Variants in KLF12 observed in about 807,000 individuals in gnomAD.
The protein encoded by KLF12 is KLF transcription factor 12, also known as Krueppel-like factor 12.
KLF12 carries 9 observed loss-of-function variants against 37.8 expected under a neutral mutation model. That is an observed-to-expected ratio of 0.24 (90% CI 0.14 to 0.42). The LOEUF is 0.42. KLF12 is among the 10% of genes least tolerant of loss of function. KLF12 has a pLI of 1.00. For missense variants in KLF12, 411 were observed against 516.0 expected, an observed-to-expected ratio of 0.80 and a Z score of 1.97; for synonymous variants, 208 against 202.1, an observed-to-expected ratio of 1.03 and a Z score of -0.25.
At chr13:74,191,599 A>G in the KLF12 span, among the ~76,000 whole-genome samples, 1 of 152,024 alleles carries the variant, frequency 6.6e-6, no homozygotes, top group Non-Finnish European at 1.5e-5. Context: ...ATGGTCTCGG[A>G]TTTTTCCTGA....
chr13:74,083,574 A>G (rs1301845382), intron 1 of KLF12, among the ~76,000 whole-genome samples: 2 of 151,718 alleles, frequency 1.3e-5, no homozygotes, highest in Non-Finnish European at 2.9e-5. Context: ...CAAAAACTCT[A>G]AGTACTCTAG....
intron 4 of KLF12, among the ~76,000 whole-genome samples, chr13:73,825,161 C>T (rs559388058): frequency 6.6e-6 from 1 of 151,746 alleles, no homozygotes; most frequent in Admixed American, 6.6e-5. Context: ...CCTTCTCCTG[C>T]CCCTGTTATG....
chr13:74,202,515 C>T, the KLF12 span, among the ~76,000 whole-genome samples: 3 of 152,068 alleles, frequency 2.0e-5, no homozygotes, highest in Non-Finnish European at 4.4e-5. Context: ...GACTAATTTT[C>T]TTAGTAAAAA....
intron 3 of KLF12, among the ~76,000 whole-genome samples, chr13:73,910,403 A>G (rs1279594594): frequency 6.6e-6 from 1 of 152,184 alleles, no homozygotes; most frequent in Non-Finnish European, 1.5e-5. Context: ...CAAGTCATAA[A>G]TGTAACACTA....
intron 1 of KLF12, among the ~76,000 whole-genome samples, chr13:74,092,768 G>GA (rs375625340): frequency 2.0e-5 from 3 of 152,096 alleles, no homozygotes; most frequent in Non-Finnish European, 4.4e-5. Flanking sequence ...CAAACCCAAT[G>GA]AAAAAATGGG....
the KLF12 span, among the ~76,000 whole-genome samples, chr13:74,275,866 CTATCTTTCTTTCTTCT>C: frequency 3.2e-4 from 29 of 91,082 alleles, no homozygotes; most frequent in Admixed American, 1.6e-3. Flanking sequence ...TTCTTTCTTT[CTATCTTTCTTTCTTCT>C]TTCTTTCTTT....
At chr13:74,190,044 CAA>C in the KLF12 span, among the ~76,000 whole-genome samples, 2 of 152,162 alleles carry the variant, frequency 1.3e-5, no homozygotes, top group East Asian at 1.9e-4. Context: ...AAGATTACTG[CAA>C]AGAGTAACCT....
At chr13:74,241,644 A>G in the KLF12 span, among the ~76,000 whole-genome samples, 3 of 152,080 alleles carry the variant, frequency 2.0e-5, no homozygotes, top group African/African-American at 7.2e-5. Context: ...GCCGGATATA[A>G]TCTCGTGGTG....
intron 1 of KLF12, among the ~76,000 whole-genome samples, chr13:74,047,989 A>G (rs1047017408): frequency 1.3e-5 from 2 of 152,244 alleles, no homozygotes; most frequent in African/African-American, 4.8e-5. Context: ...CAAGCCTCAC[A>G]GAACTCATGT....
chr13:74,291,191 G>T, the KLF12 span, among the ~76,000 whole-genome samples: 2 of 152,186 alleles, frequency 1.3e-5, no homozygotes, highest in South Asian at 4.1e-4. Flanking sequence ...TTAAATGTGT[G>T]CTTCAGGTCA....
At chr13:73,762,394 T>A (rs1879622282) in intron 6 of KLF12, among the ~76,000 whole-genome samples, 1 of 152,184 alleles carries the variant, frequency 6.6e-6, no homozygotes, top group South Asian at 2.1e-4. Flanking sequence ...CCATCTTAAC[T>A]CAATAATAAA....
chr13:74,086,756 A>G (rs1359298694), intron 1 of KLF12, among the ~76,000 whole-genome samples: 1 of 152,230 alleles, frequency 6.6e-6, no homozygotes, highest in African/African-American at 2.4e-5. Flanking sequence ...TACTAATAGC[A>G]TGCTGTTGGC....
chr13:73,738,311 A>AT (rs71115612), intron 6 of KLF12, among the ~76,000 whole-genome samples: 1,484 of 142,002 alleles, frequency 0.01, 22 homozygotes, highest in African/African-American at 0.037. Context: ...CGCCTGGCTA[A>AT]TTTTTTTTTT....
chr13:73,943,836 T>A, intron 3 of KLF12, 145 bp downstream of exon 3: 1 of 599,642 alleles, frequency 1.7e-6, no homozygotes, highest in Non-Finnish European at 2.9e-6. Context: ...TCAACCACAA[T>A]CTCAGATTTT....
chr13:74,181,166 T>A, the KLF12 span, among the ~76,000 whole-genome samples: 1 of 151,392 alleles, frequency 6.6e-6, no homozygotes, highest in Non-Finnish European at 1.5e-5. Flanking sequence ...GCCTGGCTAA[T>A]TTTTTGTATT....
intron 5 of KLF12, among the ~76,000 whole-genome samples, chr13:73,794,413 T>C (rs1313753159): frequency 6.6e-6 from 1 of 152,152 alleles, no homozygotes; most frequent in African/African-American, 2.4e-5. Flanking sequence ...GTGAGCAAGA[T>C]TGCGCCACTG....
intron 1 of KLF12, among the ~76,000 whole-genome samples, chr13:74,124,677 C>G (rs1257001199): frequency 1.3e-5 from 2 of 152,036 alleles, no homozygotes; most frequent in East Asian, 3.9e-4. Flanking sequence ...CAAGCATATC[C>G]TAGAATCTAT....
At chr13:73,940,005 T>C (rs929567161) in intron 3 of KLF12, among the ~76,000 whole-genome samples, 11 of 152,146 alleles carry the variant, frequency 7.2e-5, no homozygotes, top group African/African-American at 2.7e-4. Context: ...CATAGAGGCC[T>C]GGAGATAGAA....
At chr13:74,234,971 ACTAT>A in the KLF12 span, among the ~76,000 whole-genome samples, 1 of 152,054 alleles carries the variant, frequency 6.6e-6, no homozygotes, top group Admixed American at 6.6e-5. Flanking sequence ...TATCTATCTA[ACTAT>A]CTATCCTCTA....
Sources: allele counts gnomAD v4.1 joint callset (sites outside exome capture counted in the v4.1 genomes callset), GRCh38; gene constraint gnomAD v4.1.1; transcripts MANE v1.5; gene names NCBI Gene and HGNC (gene_info 2026-07-23, HGNC 2026-07-21).